Variants in FLT3 observed in about 807,000 individuals in gnomAD.
FLT3 encodes the protein fms related receptor tyrosine kinase 3, also known as receptor-type tyrosine-protein kinase FLT3.
Under a neutral mutation model 126.6 loss-of-function variants are expected in FLT3, and 46 were observed. The ratio of observed to expected loss-of-function variants is 0.36; its 90% confidence interval spans 0.29 to 0.46. FLT3 has a LOEUF of 0.46. FLT3 is among the 20% of genes least tolerant of loss of function. The pLI, the probability that FLT3 is intolerant of heterozygous loss-of-function variation, is 1.00. For synonymous variants in FLT3, 404 were observed against 434.4 expected (o/e 0.93, Z 0.87); for missense variants, 1,069 against 1,190.3 (o/e 0.90, Z 1.50).
Position 28,004,144 on chromosome 13 carries a change from C to T in FLT3, c.2890G>A (p.Glu964Lys), listed in dbSNP as rs147467327. 6.2e-7 allele frequency: 1 copy of T among 1,614,056 alleles called. No individual in the cohort carries two copies. Among genetic ancestry groups the T allele is most frequent in the Non-Finnish European group, 8.5e-7 (1 of 1,180,006 alleles). Residue 964 changes from glutamate (E) to lysine (K), a missense_variant, in exon 24 of 24, where the codon GAA becomes AAA. Physicochemically the swap from Glu to Lys is moderately conservative, Grantham distance 56. Transcript: ENST00000241453. ...MYQNVDGRVS[E>K]CPHTYQNRRP... The stretch of plus-strand genomic sequence containing the variant: ...CTGTTTTGGTAGGTGTGAGGACATT[C>T]CGAAACACGGCCATCCACATTCTGA...
chr13:28,003,922 A>G lies in FLT3; in HGVS notation c.*130T>C. 9.5e-7 allele frequency: 1 copy of G among 1,049,846 alleles called. No homozygotes were observed. Among genetic ancestry groups the G allele is most frequent in the Admixed American group, 2.2e-5 (1 of 46,184 alleles). The allele number at this position is 1,049,846 out of a possible 1,614,324, so 65.0% of individuals were successfully genotyped here. A position where few individuals can be genotyped will look rare whatever the true frequency, so the allele number is the denominator to read the frequency against. On this transcript the variant is annotated 3_prime_UTR_variant, in exon 24 of 24. Transcript: ENST00000241453. The stretch of plus-strand genomic sequence containing the variant: ...ACAAGAGTAAACGCAGACAGCTTCT[A>G]GAGAAAAGTCTGGTGAAGCAGCAGT...
chr13:28,049,813 G>A, intron 6 of FLT3, 39 bp from the exon 7 acceptor site: 2 of 1,583,498 alleles, frequency 1.3e-6, no homozygotes, highest in Non-Finnish European at 1.7e-6. Context: ...AAAAAAAAGT[G>A]ATTTTTGCCT....
At chr13:28,071,326 T>A (rs1437698248) in intron 1 of FLT3, among the ~76,000 whole-genome samples, 1 of 151,956 alleles carries the variant, frequency 6.6e-6, no homozygotes, top group Admixed American at 6.6e-5. Flanking sequence ...ATTCTTTTTT[T>A]CTCTATGGGT....
At position 28,088,472 on chromosome 13, in the gene FLT3, G is replaced by C. The variant is rs141842937; in HGVS notation, c.43+11996C>G. On this transcript the variant is annotated intron_variant, in intron 1 of 23. Coordinates refer to ENST00000241453, the MANE Select transcript of FLT3 (RefSeq NM_004119.3). The stretch of plus-strand genomic sequence containing the variant: ...CTGGCTAATTTTTGTATTTTTACTA[G>C]AGACAGGGTTTTGCCATGTTGGCCA... Among the ~76,000 whole-genome samples the C allele has an allele frequency of 3.1e-3, 476 of 151,980 alleles. 2 individuals carry two copies. Among genetic ancestry groups the C allele is most frequent in the African/African-American group, 0.011 (443 of 41,474 alleles).
intron 4 of FLT3, among the ~76,000 whole-genome samples, chr13:28,056,886 T>C (rs1052482798): frequency 2.6e-5 from 4 of 152,214 alleles, no homozygotes; most frequent in Admixed American, 2.0e-4. Context: ...ATTTTCATCA[T>C]CTCAGAAAGT....
Position 28,061,867 on chromosome 13 carries a change from C to G in FLT3, c.368G>C (p.Arg123Thr), listed in dbSNP as rs1566090960. The change falls in exon 3 of 24, where the codon AGA (arginine) becomes ACA (threonine). Residue 123 changes from arginine to threonine, a missense_variant and splice_region_variant. Physicochemically the swap from Arg to Thr is moderately conservative, Grantham distance 71. Coordinates refer to ENST00000241453, the MANE Select transcript of FLT3 (RefSeq NM_004119.3). ...GTCAAGAAGGTATTCCTCCACTTAC[C>G]TGTTTTGTAAATCAAAATGTGGCTG... ...NCQPHFDLQNRGVVSMVILKM... is the reference protein window; with the variant it reads ...NCQPHFDLQNTGVVSMVILKM... The G allele has an allele frequency of 6.2e-7, 1 of 1,611,306 alleles. No homozygotes were observed. The highest frequency in any genetic ancestry group is 8.5e-7 in the Non-Finnish European group (1 of 1,177,596).
In FLT3 at chr13:28,015,155, A is replaced by G; in HGVS notation, c.2753+2T>C. The G allele has an allele frequency of 6.4e-7, 1 of 1,556,738 alleles. No homozygotes were observed. Among genetic ancestry groups the G allele is most frequent in the Non-Finnish European group, 8.9e-7 (1 of 1,128,870 alleles). ...CCAAATTACAGTCTGACTTGAACTT[A>G]CATTTCTTCTGTAGCATAAAATGGC... On this transcript the variant is annotated splice_donor_variant, in intron 22 of 23. Coordinates refer to ENST00000241453, the MANE Select transcript of FLT3 (RefSeq NM_004119.3). LOFTEE classifies it high-confidence loss of function.
chr13:28,050,319 G>T, intron 5 of FLT3, 97 bp from the exon 6 acceptor site: 3 of 1,200,530 alleles, frequency 2.5e-6, no homozygotes, highest in Non-Finnish European at 3.6e-6. Context: ...AGTTTTAAGG[G>T]TCAAATGGTA....
At chr13:28,051,830 G>A (rs1452990354) in intron 5 of FLT3, among the ~76,000 whole-genome samples, 1 of 151,932 alleles carries the variant, frequency 6.6e-6, no homozygotes, top group Non-Finnish European at 1.5e-5. Context: ...ACAGACGTGA[G>A]CCACTGTGCC....
intron 15 of FLT3, among the ~76,000 whole-genome samples, chr13:28,029,035 G>A (rs573155664): frequency 3.3e-5 from 5 of 152,092 alleles, no homozygotes; most frequent in South Asian, 2.1e-4. Context: ...TCCCAACTCC[G>A]CCTCCCAAAG....
chr13:28,088,376 C>T (rs1878814762), intron 1 of FLT3, among the ~76,000 whole-genome samples: 1 of 152,018 alleles, frequency 6.6e-6, no homozygotes, highest in African/African-American at 2.4e-5. Flanking sequence ...CAACCTCCAC[C>T]TCCCAGGTTC....
At chr13:28,056,571 G>C (rs1364883433) in intron 4 of FLT3, among the ~76,000 whole-genome samples, 1 of 152,172 alleles carries the variant, frequency 6.6e-6, no homozygotes, top group Non-Finnish European at 1.5e-5. Flanking sequence ...GTGCATGATG[G>C]GGACGAAACA....
intron 1 of FLT3, among the ~76,000 whole-genome samples, chr13:28,087,601 C>T (rs12428707): frequency 6.6e-6 from 1 of 152,032 alleles, no homozygotes; most frequent in East Asian, 1.9e-4. Flanking sequence ...TTATTTTTGA[C>T]ATATCTTTAC....
intron 1 of FLT3, among the ~76,000 whole-genome samples, chr13:28,089,077 C>G (rs1878866467): frequency 6.6e-6 from 1 of 152,068 alleles, no homozygotes; most frequent in Admixed American, 6.5e-5. Flanking sequence ...TATAGGATGA[C>G]AATTAAACAC....
At chr13:28,015,410 C>A (rs1361289726) in intron 21 of FLT3, among the ~76,000 whole-genome samples, 154 bp from the exon 22 acceptor site, 1 of 151,546 alleles carries the variant, frequency 6.6e-6, no homozygotes, top group African/African-American at 2.4e-5. Flanking sequence ...GGTTCACGCT[C>A]TCAAGCAGGT....
At chr13:28,043,977 G>A (rs530637385) in intron 9 of FLT3, among the ~76,000 whole-genome samples, 1 of 150,994 alleles carries the variant, frequency 6.6e-6, no homozygotes, top group East Asian at 2.0e-4. Flanking sequence ...GAGTGTGGTG[G>A]TGCATGCCTG....
At chr13:28,089,164 T>C (rs1397657835) in intron 1 of FLT3, among the ~76,000 whole-genome samples, 2 of 152,190 alleles carry the variant, frequency 1.3e-5, no homozygotes, top group Non-Finnish European at 2.9e-5. Flanking sequence ...ACACTGCTAT[T>C]AGAATGGTTA....
At chr13:28,055,516 C>T (rs774275873) in intron 4 of FLT3, among the ~76,000 whole-genome samples, 1 of 152,202 alleles carries the variant, frequency 6.6e-6, no homozygotes, top group Non-Finnish European at 1.5e-5. Context: ...TTTTTGGCAA[C>T]CATGCCACGC....
At chr13:28,016,955 C>G (rs1419991431) in intron 20 of FLT3, among the ~76,000 whole-genome samples, 1 of 152,122 alleles carries the variant, frequency 6.6e-6, no homozygotes, top group African/African-American at 2.4e-5. Context: ...TTGGCTTTTT[C>G]CCACATCAAC....
Sources: gnomAD v4.1 joint callset for allele counts (sites outside exome capture counted in the v4.1 genomes callset) on GRCh38, gnomAD v4.1.1 for gene constraint, MANE v1.5 for transcripts, NCBI Gene and HGNC (gene_info 2026-07-23, HGNC 2026-07-21) for gene names.